KISS1R: variants seen among roughly 807,000 people sequenced by gnomAD.
KISS1R encodes the protein KISS1 receptor, also known as kiSS-1 receptor.
In KISS1R, 19 loss-of-function variants were observed where a neutral mutation model predicts 22.0. That is an observed-to-expected ratio of 0.86 (90% CI 0.60 to 1.26). The LOEUF is 1.26. Among genes scored for constraint, KISS1R ranks in the 50% most tolerant of loss-of-function variants. The probability of loss-of-function intolerance (pLI) is 0.00; values close to 1 mark genes in which losing one functional copy is unlikely to be tolerated. For synonymous variants in KISS1R, 302 were observed against 283.9 expected (o/e 1.06, Z -0.64); for missense variants, 653 against 581.9 (o/e 1.12, Z -1.26).
Position 918,753 on chromosome 19 carries a change from G to T in KISS1R, c.369+85G>T, listed in dbSNP as rs1417772499. On this transcript the variant is annotated intron_variant, in intron 2 of 4. Transcript: ENST00000234371. ...CAGTGGGAGGGGAGGGGACGCACTT[G>T]GGGACAGGCGGGAGTGCGCTCCGCA... 11 of 1,465,530 alleles carry T rather than the reference G, an allele frequency of 7.5e-6. No homozygotes were observed. In the African/African-American group the frequency reaches 1.7e-4, roughly 23 times the overall value. 90.8% of individuals were successfully genotyped at this position (1,465,530 alleles called of 1,614,324 possible).
rs1599369932 is a variant in KISS1R, at chr19:918,605, G to C, written c.306G>C (p.Leu102=). The change falls in exon 2 of 5, where the codon CTG becomes CTC. Residue 102 remains leucine (L), a synonymous_variant. Coordinates refer to ENST00000234371, the MANE Select transcript of KISS1R (RefSeq NM_032551.5). ...LLCCVPFTAL[L]YPLPGWVLGD... ...GCTGCGTCCCCTTCACGGCCCTGCT[G>C]TACCCGCTGCCCGGCTGGGTGCTGG... is the stretch of plus-strand genomic sequence containing the variant. The C allele has an allele frequency of 6.4e-7, 1 of 1,551,706 alleles. No homozygotes were observed. The highest frequency in any genetic ancestry group is 8.7e-7 in the Non-Finnish European group (1 of 1,147,300).
At chr19:918,987 G>A (rs1344841208) in intron 2 of KISS1R, among the ~76,000 whole-genome samples, 1 of 150,374 alleles carries the variant, frequency 6.7e-6, no homozygotes, top group Non-Finnish European at 1.5e-5. Context: ...TCCGGAGCGG[G>A]GGGCGGGCGC....
At chr19:920,150 G>A (rs1170228014) in intron 4 of KISS1R, 44 bp downstream of exon 4, 4 of 1,474,136 alleles carry the variant, frequency 2.7e-6, no homozygotes, top group Non-Finnish European at 3.6e-6. Flanking sequence ...GGCGGGCGGG[G>A]AGGCACCGTG....
In KISS1R at chr19:919,555, G is replaced by A. The variant is rs745937413; in HGVS notation, c.435G>A (p.Val145=). The change falls in exon 3 of 5, where the codon GTG becomes GTA. Residue 145 remains valine (V), a synonymous_variant. Transcript: ENST00000234371. ...AMSVDRWYVT[V]FPLRALHRRT... ...GTGTGGACCGCTGGTACGTGACGGT[G>A]TTCCCGTTGCGCGCCCTGCACCGCC... 16 of 1,560,738 alleles carry A rather than the reference G, an allele frequency of 1.0e-5. No homozygotes were observed. The highest frequency in any genetic ancestry group is 1.7e-4 in the Middle Eastern group (1 of 5,850).
Position 917,589 on chromosome 19 carries a change from C to G in KISS1R, c.87C>G (p.Ala29=). 6.5e-7 allele frequency: 1 copy of G among 1,544,128 alleles called. No homozygotes were observed. Among genetic ancestry groups the G allele is most frequent in the Non-Finnish European group, 8.7e-7 (1 of 1,148,450 alleles). The stretch of plus-strand genomic sequence containing the variant: ...GCTGCCCGGGCTGTGGCGCCAACGC[C>G]TCGGACGGCCCAGTCCCTTCGCCGC... ...ASGCPGCGAN[A]SDGPVPSPRA... The change falls in exon 1 of 5, where the codon GCC becomes GCG. Residue 29 remains alanine (A), a synonymous_variant. Transcript: ENST00000234371.
Position 918,643 on chromosome 19 carries a change from G to A in KISS1R, c.344G>A (p.Cys115Tyr), listed in dbSNP as rs1213743598. 3 of 1,550,966 alleles carry A rather than the reference G, an allele frequency of 1.9e-6. No individual in the cohort carries two copies. The highest frequency in any genetic ancestry group is 1.7e-4 in the Middle Eastern group (1 of 5,984). ...LPGWVLGDFM[C>Y]KFVNYIQQVS... Reference sequence around the variant, plus strand: ...GGCTGGGTGCTGGGCGACTTCATGTGCAAGTTCGTCAACTACATCCAGCAG... The same window carrying A: ...GGCTGGGTGCTGGGCGACTTCATGTACAAGTTCGTCAACTACATCCAGCAG... Residue 115 changes from cysteine to tyrosine, a missense_variant, in exon 2 of 5, where the codon TGC becomes TAC. Transcript: ENST00000234371.
chr19:917,556 C>T lies in KISS1R; in HGVS notation c.54C>T (p.Asn18=), dbSNP rs2037066756. 6.6e-7 allele frequency: 1 copy of T among 1,524,958 alleles called. No homozygotes were observed. The highest frequency in any genetic ancestry group is 8.8e-7 in the Non-Finnish European group (1 of 1,140,480). The allele number at this position is 1,524,958 out of a possible 1,614,324, so 94.5% of individuals were successfully genotyped here. A position where few individuals can be genotyped will look rare whatever the true frequency, so the allele number is the denominator to read the frequency against. ...ACGCGTCCTGGGGGGCACCGGCCAA[C>T]GCCTCCGGCTGCCCGGGCTGTGGCG... ...GPNASWGAPA[N]ASGCPGCGAN... The change falls in exon 1 of 5, where the codon AAC becomes AAT. Residue 18 remains asparagine (N), a synonymous_variant. Coordinates refer to ENST00000234371, the MANE Select transcript of KISS1R (RefSeq NM_032551.5).
Position 920,450 on chromosome 19 carries a change from C to T in KISS1R, c.899C>T (p.Ala300Val), listed in dbSNP as rs754498103. ...GGCTCCTGGCACCCACGCAGCTACGCCGCCTACGCGCTTAAGACCTGGGCT... is the reference window on the plus strand; with the variant it reads ...GGCTCCTGGCACCCACGCAGCTACGTCGCCTACGCGCTTAAGACCTGGGCT... ...PAGSWHPRSY[A>V]AYALKTWAHC... The change falls in exon 5 of 5, where the codon GCC becomes GTC. Residue 300 changes from alanine to valine, a missense_variant. By Grantham distance (64) the Ala-to-Val change is moderately conservative. Coordinates refer to ENST00000234371, the MANE Select transcript of KISS1R (RefSeq NM_032551.5). The T allele has an allele frequency of 1.2e-6, 2 of 1,610,764 alleles. No individual in the cohort carries two copies. Among genetic ancestry groups the T allele is most frequent in the South Asian group, 2.2e-5 (2 of 90,776 alleles).
Position 920,005 on chromosome 19 carries a change from T to TACCTGCTGCCGCTGC in KISS1R, c.638_652dup (p.Leu217_Leu218insHisLeuLeuProLeu). On this transcript the variant is annotated inframe_insertion, in exon 4 of 5. Transcript: ENST00000234371. Reference sequence around the variant, plus strand: ...CGCACTGTACAACCTGCTGGCGCTGTACCTGCTGCCGCTGCTCGCCACCTG... The same window carrying TACCTGCTGCCGCTGC: ...CGCACTGTACAACCTGCTGGCGCTGTACCTGCTGCCGCTGCACCTGCTGCCGCTGCTCGCCACCTG... The TACCTGCTGCCGCTGC allele has an allele frequency of 1.3e-6, 2 of 1,550,412 alleles. No homozygotes were observed. The highest frequency in any genetic ancestry group is 1.7e-6 in the Non-Finnish European group (2 of 1,150,406).
chr19:917,449 C>A lies in KISS1R; in HGVS notation c.-54C>A. 1.4e-6 allele frequency: 2 copies of A among 1,385,350 alleles called. No homozygotes were observed. The highest frequency in any genetic ancestry group is 1.9e-6 in the Non-Finnish European group (2 of 1,077,892). The allele number at this position is 1,385,350 out of a possible 1,614,324, so 85.8% of individuals were successfully genotyped here. A position where few individuals can be genotyped will look rare whatever the true frequency, so the allele number is the denominator to read the frequency against. On this transcript the variant is annotated 5_prime_UTR_variant, in exon 1 of 5. Coordinates refer to ENST00000234371, the MANE Select transcript of KISS1R (RefSeq NM_032551.5). Reference sequence around the variant, plus strand: ...CGGTCGGGCGGAGGGGTCCCCGGGGCGGTGCCAGGGCGCAATCCTGGAGGG... The same window carrying A: ...CGGTCGGGCGGAGGGGTCCCCGGGGAGGTGCCAGGGCGCAATCCTGGAGGG...
intron 4 of KISS1R, 68 bp from the exon 5 acceptor site, chr19:920,222 C>T: frequency 6.5e-7 from 1 of 1,528,112 alleles, no homozygotes; most frequent in South Asian, 1.2e-5. Flanking sequence ...CCAGGAGGGG[C>T]GGTGCGAGGG....
chr19:920,713 C>A lies in KISS1R; in HGVS notation c.1162C>A (p.Leu388Met), dbSNP rs770898408. 7.7e-7 allele frequency: 1 copy of A among 1,305,016 alleles called. No homozygotes were observed. The highest frequency in any genetic ancestry group is 1.5e-5 in the African/African-American group (1 of 66,368). 80.8% of individuals were successfully genotyped at this position (1,305,016 alleles called of 1,614,324 possible). Residue 388 changes from leucine (L) to methionine (M), a missense_variant, in exon 5 of 5, where the codon CTG (leucine) becomes ATG (methionine). Physicochemically the swap from Leu to Met is conservative, Grantham distance 15. Transcript: ENST00000234371. ...GAGCAGTGGGCTGGCCGCGCGCGGG[C>A]TGTGCGTCCTGGGGGAGGACAACGC... ...PGSSGLAARG[L>M]CVLGEDNAPL
rs1488550476 is a variant in KISS1R at position 920,313 on chromosome 19, A to G, written c.762A>G (p.Ala254=). The stretch of plus-strand genomic sequence containing the variant: ...AGGGGCAGGTGCTGGCAGAGCGCGC[A>G]GGCGCCGTGCGGGCCAAGGTCTCGC... The part of the protein sequence containing the change: ...ALQGQVLAER[A]GAVRAKVSRL... Residue 254 remains alanine (A), a synonymous_variant, in exon 5 of 5, where the codon GCA becomes GCG. Transcript: ENST00000234371. 3 of 1,569,836 alleles carry G rather than the reference A, an allele frequency of 1.9e-6. No homozygotes were observed. The highest frequency in any genetic ancestry group is 1.8e-5 in the Admixed American group (1 of 56,582).
chr19:920,427 C>T lies in KISS1R; in HGVS notation c.876C>T (p.Gly292=). 1.2e-6 allele frequency: 2 copies of T among 1,609,150 alleles called. No individual in the cohort carries two copies. Among genetic ancestry groups the T allele is most frequent in the Non-Finnish European group, 1.7e-6 (2 of 1,178,894 alleles). The change falls in exon 5 of 5, where the codon GGC becomes GGT. Residue 292 remains glycine, a synonymous_variant. Transcript: ENST00000234371. ...TGCTGCAGGCGCTGGGCCCCGCGGG[C>T]TCCTGGCACCCACGCAGCTACGCCG... ...FLVLQALGPA[G]SWHPRSYAAY...
rs775830195 is a variant in KISS1R, at chr19:920,520, C to A, written c.969C>A (p.Tyr323Ter). The change falls in exon 5 of 5, where the codon TAC (tyrosine) becomes TAA (stop). Residue 323 changes from tyrosine (Y) to a stop codon, truncating the protein, a stop_gained. Coordinates refer to ENST00000234371, the MANE Select transcript of KISS1R (RefSeq NM_032551.5). LOFTEE classifies it low-confidence loss of function (END_TRUNC). ...YSNSALNPLL[Y>*]AFLGSHFRQA... is the part of the protein sequence containing the mutation. Reference sequence around the variant, plus strand: ...ACTCCGCGCTGAACCCGCTGCTCTACGCCTTCCTGGGCTCGCACTTCCGAC... The same window carrying A: ...ACTCCGCGCTGAACCCGCTGCTCTAAGCCTTCCTGGGCTCGCACTTCCGAC... 3.1e-6 allele frequency: 5 copies of A among 1,603,762 alleles called. No homozygotes were observed. Among genetic ancestry groups the A allele is most frequent in the Admixed American group, 3.4e-5 (2 of 59,450 alleles).
chr19:920,847 C>A lies in KISS1R; in HGVS notation c.*99C>A. 8.3e-7 allele frequency: 1 copy of A among 1,211,518 alleles called. No individual in the cohort carries two copies. The highest frequency in any genetic ancestry group is 4.2e-5 in the South Asian group (1 of 23,860). The allele number at this position is 1,211,518 out of a possible 1,614,324, so 75.0% of individuals were successfully genotyped here. A position where few individuals can be genotyped will look rare whatever the true frequency, so the allele number is the denominator to read the frequency against. On this transcript the variant is annotated 3_prime_UTR_variant, in exon 5 of 5. Coordinates refer to ENST00000234371, the MANE Select transcript of KISS1R (RefSeq NM_032551.5). ...TAGTATTTTTCTTACTGTCCAAGAT[C>A]AACTGTGGAAATATTTTGGTCTCTT...
At chr19:917,828 C>A (rs2037071178) in intron 1 of KISS1R, 82 bp downstream of exon 1, 1 of 1,467,826 alleles carries the variant, frequency 6.8e-7, no homozygotes, top group Non-Finnish European at 9.1e-7. Flanking sequence ...TCTCGCGACG[C>A]ATCGGGGCCC....
At chr19:918,473 G>A (rs958642571) in intron 1 of KISS1R, 71 bp from the exon 2 acceptor site, 1 of 1,519,026 alleles carries the variant, frequency 6.6e-7, no homozygotes, top group Non-Finnish European at 8.8e-7. Context: ...CCAGGGGTCA[G>A]GGCCAGGAGC....
chr19:918,525 C>A lies in KISS1R; in HGVS notation c.245-19C>A. 1 of 1,543,720 alleles carries A rather than the reference C, an allele frequency of 6.5e-7. No homozygotes were observed. Among genetic ancestry groups the A allele is most frequent in the East Asian group, 2.4e-5 (1 of 40,940 alleles). Reference sequence around the variant, plus strand: ...GGCCAGTGGCGCCCACGCCCAGCGCCCGCGCATCCCCACCGCAGCCAACCT... The same window carrying A: ...GGCCAGTGGCGCCCACGCCCAGCGCACGCGCATCCCCACCGCAGCCAACCT... On this transcript the variant is annotated intron_variant, in intron 1 of 4. Coordinates refer to ENST00000234371, the MANE Select transcript of KISS1R (RefSeq NM_032551.5).
Sources: allele counts gnomAD v4.1 joint callset (sites outside exome capture counted in the v4.1 genomes callset), GRCh38; gene constraint gnomAD v4.1.1; transcripts MANE v1.5; gene names NCBI Gene and HGNC (gene_info 2026-07-23, HGNC 2026-07-21).